Variants in NFATC1 observed in about 807,000 individuals in gnomAD.
NFATC1 encodes nuclear factor of activated T-cells, cytoplasmic 1.
In NFATC1, 22 loss-of-function variants were observed where a neutral mutation model predicts 76.0. The ratio of observed to expected loss-of-function variants is 0.29; its 90% CI spans 0.21 to 0.41. NFATC1 has a LOEUF of 0.41. Among genes scored for constraint, NFATC1 ranks in the 10% least tolerant of loss-of-function variants. The probability of loss-of-function intolerance (pLI) is 1.00; values close to 1 mark genes in which losing one functional copy is unlikely to be tolerated. For missense variants in NFATC1, 1,357 were observed against 1,337.7 expected, an observed-to-expected ratio of 1.01 and a Z score of -0.23; for synonymous variants, 704 against 613.1, an observed-to-expected ratio of 1.15 and a Z score of -2.19.
chr18:79,464,698 ATT>A (rs1555911973), intron 7 of NFATC1, among the ~76,000 whole-genome samples: 4 of 94,874 alleles, frequency 4.2e-5, no homozygotes, highest in African/African-American at 1.6e-4. Context: ...ATATATATTT[ATT>A]TATTTATTTA....
intron 9 of NFATC1, among the ~76,000 whole-genome samples, chr18:79,517,889 G>T (rs971266002): frequency 1.3e-5 from 2 of 152,186 alleles, no homozygotes; most frequent in African/African-American, 4.8e-5. Context: ...CACAAAAATC[G>T]TTTATGCAAG....
chr18:79,442,948 C>T (rs2087039839), intron 3 of NFATC1, among the ~76,000 whole-genome samples: 1 of 152,206 alleles, frequency 6.6e-6, no homozygotes, highest in Non-Finnish European at 1.5e-5. Flanking sequence ...GCAAGTGAGG[C>T]ACGCTCAGCT....
At chr18:79,434,207 G>C (rs1248221075) in intron 3 of NFATC1, among the ~76,000 whole-genome samples, 3 of 152,246 alleles carry the variant, frequency 2.0e-5, no homozygotes, top group Non-Finnish European at 4.4e-5. Context: ...GAGAGGAGGA[G>C]TGGCTTCCAG....
intron 8 of NFATC1, among the ~76,000 whole-genome samples, chr18:79,483,722 G>T (rs1224226446): frequency 6.8e-6 from 1 of 146,960 alleles, no homozygotes; most frequent in African/African-American, 2.6e-5. Flanking sequence ...TGTAATTCCA[G>T]CGTGACCTGG....
At chr18:79,414,864 C>T (rs923591079) in intron 2 of NFATC1, among the ~76,000 whole-genome samples, 12 of 152,158 alleles carry the variant, frequency 7.9e-5, no homozygotes, top group East Asian at 5.8e-4. Flanking sequence ...GAGGCGTTGC[C>T]GGGCTGCGTC....
intron 1 of NFATC1, among the ~76,000 whole-genome samples, chr18:79,401,763 C>G (rs967887945): frequency 2.0e-5 from 3 of 152,206 alleles, no homozygotes; most frequent in Non-Finnish European, 2.9e-5. Context: ...GCTCCCACAC[C>G]CGTGCAGTCA....
rs2088460455 is a variant in NFATC1, at chr18:79,465,804, G to A, written c.1960-1646G>A. Among the ~76,000 whole-genome samples the A allele has an allele frequency of 6.6e-6, 1 of 152,328 alleles. No individual in the cohort carries two copies. The highest frequency in any genetic ancestry group is 1.9e-4 in the East Asian group (1 of 5,180). Reference sequence around the variant, plus strand: ...TCTCTTTATCCCCCGTACAAATGCCGAGACAGGCTCCGGGTGGCCAGAGCT... The same window carrying A: ...TCTCTTTATCCCCCGTACAAATGCCAAGACAGGCTCCGGGTGGCCAGAGCT... On this transcript the variant is annotated intron_variant, in intron 7 of 9. Transcript: ENST00000427363. The surrounding 1 kb of genome is among the most constrained non-coding windows in gnomAD (Gnocchi z 4.2).
At chr18:79,522,908 C>T (rs2090652628) in intron 9 of NFATC1, among the ~76,000 whole-genome samples, 1 of 152,114 alleles carries the variant, frequency 6.6e-6, no homozygotes, top group Admixed American at 6.5e-5. Context: ...CCCAGCGGGG[C>T]CCCAGGCCGC....
rs368493592 is a variant in NFATC1, at chr18:79,436,703, G to A, written c.1386+2965G>A. ...TGTTTGCTCCTCTGGATAGGTGCTCGCTCTTACTTGTGGGTGCTGAGGGGC... is the reference window on the plus strand; with the variant it reads ...TGTTTGCTCCTCTGGATAGGTGCTCACTCTTACTTGTGGGTGCTGAGGGGC... On this transcript the variant is annotated intron_variant, in intron 3 of 9. Coordinates refer to ENST00000427363, the MANE Select transcript of NFATC1 (RefSeq NM_001278669.2). 5.2e-4 allele frequency among the ~76,000 whole-genome samples: 79 copies of A among 152,280 alleles called. 1 individual carries two copies. Among genetic ancestry groups the A allele is most frequent in the African/African-American group, 1.9e-3 (78 of 41,554 alleles).
chr18:79,526,662 T>G (rs1232822333), intron 9 of NFATC1, among the ~76,000 whole-genome samples: 1 of 152,238 alleles, frequency 6.6e-6, no homozygotes, highest in African/African-American at 2.4e-5. Context: ...CAATTCCTGG[T>G]TCTCCATCTG....
At chr18:79,488,449 A>G (rs1313852182) in intron 9 of NFATC1, among the ~76,000 whole-genome samples, 2 of 152,052 alleles carry the variant, frequency 1.3e-5, no homozygotes, top group South Asian at 2.1e-4. Context: ...CCTCAGAGCC[A>G]CACACTGGAG....
At chr18:79,482,189 C>T (rs2089301331) in intron 8 of NFATC1, among the ~76,000 whole-genome samples, 1 of 139,650 alleles carries the variant, frequency 7.2e-6, no homozygotes. Context: ...GTAATTCCAG[C>T]ATGACCTGGT....
At chr18:79,527,326 C>T (rs1307081975) in intron 9 of NFATC1, 11 of 554,674 alleles carry the variant, frequency 2.0e-5, no homozygotes, top group Admixed American at 3.1e-5. Context: ...GTCACTCTGG[C>T]GACCCCAGCT....
At chr18:79,422,604 A>C (rs1407013401) in intron 2 of NFATC1, 2 of 152,216 alleles carry the variant, frequency 1.3e-5, no homozygotes, top group African/African-American at 4.8e-5. Context: ...GGTGTACGGC[A>C]TGGGGCCTGC....
In NFATC1 at chr18:79,444,599, G is replaced by A. The variant is rs185426307; in HGVS notation, c.1387-4183G>A. Among the ~76,000 whole-genome samples, 8 of 152,284 alleles carry A rather than the reference G, an allele frequency of 5.3e-5. No individual in the cohort carries two copies. The East Asian group carries it at 1.2e-3, about 22-fold the overall frequency. On this transcript the variant is annotated intron_variant, in intron 3 of 9. Coordinates refer to ENST00000427363, the MANE Select transcript of NFATC1 (RefSeq NM_001278669.2). The stretch of plus-strand genomic sequence containing the variant: ...TGCCCCTTAAAGCCAGGTCTGGGCC[G>A]GTTTACAGGGAAGCACTGCTCACGT...
At chr18:79,434,539 G>A (rs2086705387) in intron 3 of NFATC1, among the ~76,000 whole-genome samples, 1 of 152,260 alleles carries the variant, frequency 6.6e-6, no homozygotes, top group African/African-American at 2.4e-5. Context: ...CCAGGCCCTA[G>A]ATCTGCTGCT....
At chr18:79,429,447 GTTGGAATTATCTC>G (rs2086513323) in intron 2 of NFATC1, among the ~76,000 whole-genome samples, 1 of 151,994 alleles carries the variant, frequency 6.6e-6, no homozygotes, top group Admixed American at 6.5e-5. Context: ...GTTTGAAGTT[GTTGGAATTATCTC>G]AGTCCTGAGC....
intron 8 of NFATC1, among the ~76,000 whole-genome samples, chr18:79,481,497 C>G (rs571181807): frequency 6.6e-6 from 1 of 152,378 alleles, no homozygotes; most frequent in Admixed American, 6.5e-5. Flanking sequence ...CTGACTTGCA[C>G]AGGCAGTCCT....
chr18:79,508,799 G>A (rs1007627487), intron 9 of NFATC1, among the ~76,000 whole-genome samples: 2 of 147,812 alleles, frequency 1.4e-5, no homozygotes, highest in Admixed American at 6.7e-5. Flanking sequence ...CCATCTCTCC[G>A]TCCATCTCTC....
Sources: gnomAD v4.1 joint callset for allele counts (sites outside exome capture counted in the v4.1 genomes callset) on GRCh38, gnomAD v4.1.1 for gene constraint, Gnocchi (gnomAD v3.1) non-coding constraint, MANE v1.5 for transcripts, NCBI Gene and HGNC (gene_info 2026-07-23, HGNC 2026-07-21) for gene names.